Variants in EDARADD observed in about 807,000 individuals in gnomAD.
EDARADD encodes the protein ectodysplasin-A receptor-associated adapter protein.
Under a neutral mutation model 25.6 loss-of-function variants are expected in EDARADD, and 20 were observed. The observed-to-expected ratio is 0.78, with a 90% confidence interval of 0.55 to 1.14. The LOEUF (loss-of-function observed/expected upper bound fraction) is 1.14. EDARADD is among the 50% of genes most tolerant of loss of function. The probability of loss-of-function intolerance (pLI) is 0.00; values close to 1 mark genes in which losing one functional copy is unlikely to be tolerated. For missense variants in EDARADD, 225 were observed against 270.1 expected (o/e 0.83, Z 1.17); for synonymous variants, 86 against 94.4 (o/e 0.91, Z 0.52).
At position 236,395,438 on chromosome 1, in the gene EDARADD, C is replaced by G. The variant is rs922245847; in HGVS notation, c.61+933C>G. On this transcript the variant is annotated intron_variant, in intron 1 of 5. Coordinates refer to ENST00000334232, the MANE Select transcript of EDARADD (RefSeq NM_145861.4). This position sits in a 1 kb window ranked among gnomAD's most constrained non-coding sequence, Gnocchi z 6.9. ...GCTAATTGCCAAAGCAGGAAGTGAGCTCGTGGAAGAAGCGAAGGAGGAGAA... is the reference window on the plus strand; with the variant it reads ...GCTAATTGCCAAAGCAGGAAGTGAGGTCGTGGAAGAAGCGAAGGAGGAGAA... The G allele has an allele frequency of 2.0e-6, 3 of 1,469,424 alleles. No homozygotes were observed. The highest frequency in any genetic ancestry group is 4.4e-5 in the Admixed American group (2 of 45,584). The allele number at this position is 1,469,424 out of a possible 1,614,324, so 91.0% of individuals were successfully genotyped here. A position where few individuals can be genotyped will look rare whatever the true frequency, so the allele number is the denominator to read the frequency against.
intron 5 of EDARADD, among the ~76,000 whole-genome samples, chr1:236,475,703 G>T (rs1211838340): frequency 3.3e-5 from 5 of 151,966 alleles, no homozygotes; most frequent in African/African-American, 9.7e-5. Flanking sequence ...GTCGGAGGTT[G>T]CAGTGAGTCG....
At chr1:236,465,573 C>T (rs1224421644) in intron 4 of EDARADD, among the ~76,000 whole-genome samples, 2 of 152,178 alleles carry the variant, frequency 1.3e-5, no homozygotes, top group African/African-American at 4.8e-5. Flanking sequence ...CCTGTCCTCT[C>T]TGACTTCATC....
intron 1 of EDARADD, among the ~76,000 whole-genome samples, chr1:236,399,584 A>G (rs887457674): frequency 6.6e-6 from 1 of 152,266 alleles, no homozygotes; most frequent in East Asian, 1.9e-4. Context: ...GATGGTGGTT[A>G]TAGTGTAGCT....
Position 236,414,345 on chromosome 1 carries a change from A to G in EDARADD, c.160+46A>G, listed in dbSNP as rs199652323. ...TACTTGAACATGTGATTATTTTAAT[A>G]TTGTGAACAAAGCACTAGTCGACCT... On this transcript the variant is annotated intron_variant, in intron 3 of 5. Coordinates refer to ENST00000334232, the MANE Select transcript of EDARADD (RefSeq NM_145861.4). 2.4e-3 allele frequency: 3,617 copies of G among 1,494,530 alleles called. 12 individuals are homozygous for G. The highest frequency in any genetic ancestry group is 3.1e-3 in the Non-Finnish European group (3,318 of 1,073,858). The allele number at this position is 1,494,530 out of a possible 1,614,324, so 92.6% of individuals were successfully genotyped here.
Position 236,352,709 on chromosome 1 carries a change from G to T in EDARADD, c.-6+1870G>T, listed in dbSNP as rs368505260. On this transcript the variant is annotated intron_variant, in intron 3 of 7. Coordinates refer to the EDARADD transcript ENST00000439430. ...CTAAAAATACAAAAATTAGCCGGGC[G>T]TGGTGGTGGGCACCTGTAATCCCAG... is the stretch of plus-strand genomic sequence containing the variant. 2.6e-4 allele frequency among the ~76,000 whole-genome samples: 39 copies of T among 152,264 alleles called. 1 individual carries two copies. In the South Asian group the frequency reaches 8.1e-3, roughly 32 times the overall value.
At chr1:236,405,546 G>A (rs185110347) in intron 1 of EDARADD, among the ~76,000 whole-genome samples, 261 of 152,296 alleles carry the variant, frequency 1.7e-3, no homozygotes, top group Non-Finnish European at 2.9e-3. Context: ...CACACCTCTA[G>A]GCTTGTCCAA....
chr1:236,368,438 TTC>T (rs1259207543), intron 3 of EDARADD, among the ~76,000 whole-genome samples: 4 of 133,348 alleles, frequency 3.0e-5, no homozygotes, highest in Non-Finnish European at 6.4e-5. Context: ...ATCCAGTCTT[TTC>T]TTTTTTTTTT....
intron 5 of EDARADD, among the ~76,000 whole-genome samples, chr1:236,481,653 C>A (rs985301942): frequency 2.6e-5 from 4 of 151,156 alleles, no homozygotes; most frequent in African/African-American, 9.7e-5. Flanking sequence ...GTGGTACGTG[C>A]CTGTAGTCCC....
chr1:236,367,315 C>T (rs1174603540), intron 3 of EDARADD, among the ~76,000 whole-genome samples: 1 of 151,974 alleles, frequency 6.6e-6, no homozygotes, highest in Non-Finnish European at 1.5e-5. Flanking sequence ...CTGAGACCTC[C>T]GCCTCCCAAG....
chr1:236,372,914 ATT>A (rs34634477), intron 3 of EDARADD, among the ~76,000 whole-genome samples: 2 of 113,604 alleles, frequency 1.8e-5, no homozygotes, highest in Non-Finnish European at 3.4e-5. Flanking sequence ...CTCTTCTTAC[ATT>A]TTTTTTTTTT....
intron 2 of EDARADD, among the ~76,000 whole-genome samples, chr1:236,411,510 C>G (rs1363405263): frequency 1.8e-5 from 2 of 112,830 alleles, no homozygotes; most frequent in African/African-American, 5.2e-5. Flanking sequence ...CCTTCTCCCT[C>G]TCCTTCTTCT....
intron 3 of EDARADD, among the ~76,000 whole-genome samples, chr1:236,365,800 T>C (rs1667107543): frequency 6.6e-6 from 1 of 152,194 alleles, no homozygotes; most frequent in African/African-American, 2.4e-5. Flanking sequence ...CTTATCATCC[T>C]TTGTTATTCT....
At chr1:236,454,340 G>A (rs550488320) in intron 4 of EDARADD, among the ~76,000 whole-genome samples, 13 of 152,234 alleles carry the variant, frequency 8.5e-5, no homozygotes, top group South Asian at 4.1e-4. Flanking sequence ...GAGCCACCGT[G>A]CCCGGCCTAG....
In EDARADD at chr1:236,431,158, A is replaced by G. The variant is rs142582267; in HGVS notation, c.219+3708A>G. On this transcript the variant is annotated intron_variant, in intron 4 of 5. Transcript: ENST00000334232. ...AATAAAATAAAAGCAAGCTGGAAGT[A>G]TGTTCTTTAGAATAATTATTATCTG... is the stretch of plus-strand genomic sequence containing the variant. Among the ~76,000 whole-genome samples the G allele has an allele frequency of 4.1e-3, 627 of 152,274 alleles. 2 individuals are homozygous for G. Among genetic ancestry groups the G allele is most frequent in the African/African-American group, 0.014 (594 of 41,566 alleles).
chr1:236,353,277 T>C (rs942468752), intron 3 of EDARADD, among the ~76,000 whole-genome samples: 1 of 152,208 alleles, frequency 6.6e-6, no homozygotes, highest in Admixed American at 6.5e-5. Context: ...TATCTGTATC[T>C]GCACACAGCT....
rs1659715656 is a variant in EDARADD at position 236,482,784 on chromosome 1, G to T, written c.*135G>T. The stretch of plus-strand genomic sequence containing the variant: ...TGGACACTGGTTTTCCCCAAAGCTG[G>T]CAGTTTTGTGGAGGGGTAGCTTGTT... On this transcript the variant is annotated 3_prime_UTR_variant, in exon 6 of 6. Coordinates refer to ENST00000334232, the MANE Select transcript of EDARADD (RefSeq NM_145861.4). 3 of 1,331,304 alleles carry T rather than the reference G, an allele frequency of 2.3e-6. No homozygotes were observed. Among genetic ancestry groups the T allele is most frequent in the Non-Finnish European group, 3.1e-6 (3 of 955,296 alleles). 82.5% of individuals were successfully genotyped at this position (1,331,304 alleles called of 1,614,324 possible).
rs1667191295 is a variant in EDARADD, at chr1:236,373,180, G to T, written c.-6+22341G>T. Among the ~76,000 whole-genome samples, 2 of 151,210 alleles carry T rather than the reference G, an allele frequency of 1.3e-5. 1 individual carries two copies. The highest frequency in any genetic ancestry group is 1.3e-4 in the Admixed American group (2 of 15,138). On this transcript the variant is annotated intron_variant, in intron 3 of 7. Transcript: ENST00000439430. ...TCCGCCCGCCTTGGCTTCCCAAAGT[G>T]CTGGGATTACAGGCGTGAGCCACCA...
intron 2 of EDARADD, among the ~76,000 whole-genome samples, chr1:236,412,686 G>A (rs1458936231): frequency 6.6e-6 from 1 of 152,102 alleles, no homozygotes; most frequent in Non-Finnish European, 1.5e-5. Context: ...CCATTCTCTA[G>A]GGCTAGCTCC....
chr1:236,379,986 A>G (rs1667279715), intron 3 of EDARADD, among the ~76,000 whole-genome samples: 1 of 152,182 alleles, frequency 6.6e-6, no homozygotes, highest in Admixed American at 6.5e-5. Flanking sequence ...TGTTACAGCT[A>G]TTAATAACAC....
Sources: allele counts gnomAD v4.1 joint callset (sites outside exome capture counted in the v4.1 genomes callset), GRCh38; gene constraint gnomAD v4.1.1; non-coding constraint Gnocchi (gnomAD v3.1); transcripts MANE v1.5; gene names NCBI Gene and HGNC (gene_info 2026-07-23, HGNC 2026-07-21).